The following GPD2 variants were observed in gnomAD, a reference collection of about 807,000 sequenced individuals.
GPD2 encodes the protein glycerol-3-phosphate dehydrogenase 2.
GPD2 carries 54 observed loss-of-function variants against 82.4 expected under a neutral mutation model. That is an observed-to-expected ratio of 0.66 (90% CI 0.53 to 0.82). GPD2 has a LOEUF of 0.82. Among genes scored for constraint, GPD2 ranks in the 40% least tolerant of loss-of-function variants. The pLI, the probability that GPD2 is intolerant of heterozygous loss-of-function variation, is 0.00. For missense variants in GPD2, 748 were observed against 896.2 expected (o/e 0.83, Z 2.11); for synonymous variants, 288 against 306.1 (o/e 0.94, Z 0.62).
intron 1 of GPD2, among the ~76,000 whole-genome samples, chr2:156,441,687 G>T (rs1416205411): frequency 2.0e-5 from 3 of 152,198 alleles, no homozygotes; most frequent in African/African-American, 7.2e-5. Flanking sequence ...GGATATCCCG[G>T]GGCCCACTAT....
At chr2:156,434,809 AG>A (rs552636744), upstream of GPD2, among the ~76,000 whole-genome samples, 66 of 152,240 alleles carry the variant, frequency 4.3e-4, no homozygotes, top group Non-Finnish European at 6.6e-4. Context: ...AAATCTGGGT[AG>A]CTCAGCCCCA....
chr2:156,582,538 TAAG>T (rs1688063516), intron 16 of GPD2, among the ~76,000 whole-genome samples: 1 of 151,154 alleles, frequency 6.6e-6, no homozygotes, highest in Admixed American at 6.6e-5. Flanking sequence ...AATGATGCAT[TAAG>T]ATTTGCTTTT....
chr2:156,535,107 T>G (rs2105312204), intron 6 of GPD2, among the ~76,000 whole-genome samples: 1 of 152,054 alleles, frequency 6.6e-6, no homozygotes, highest in Non-Finnish European at 1.5e-5. Flanking sequence ...GCCTGAATCA[T>G]GGAGGACAAG....
At chr2:156,484,099 A>G (rs1334776474) in intron 2 of GPD2, among the ~76,000 whole-genome samples, 4 of 146,606 alleles carry the variant, frequency 2.7e-5, no homozygotes, top group East Asian at 4.0e-4. Context: ...CTGCAGAGGC[A>G]TTTTGCACAG....
At chr2:156,510,259 C>T (rs565823501) in intron 3 of GPD2, among the ~76,000 whole-genome samples, 1 of 151,974 alleles carries the variant, frequency 6.6e-6, no homozygotes, top group Admixed American at 6.6e-5. Context: ...TCTTTCCTTT[C>T]TTTGCTATCT....
chr2:156,412,576 A>C, the GPD2 span, among the ~76,000 whole-genome samples: 1 of 152,156 alleles, frequency 6.6e-6, no homozygotes, highest in African/African-American at 2.4e-5. Flanking sequence ...AGGGCATACA[A>C]TTGTATGTAT....
At chr2:156,532,034 C>T (rs986283499) in intron 6 of GPD2, among the ~76,000 whole-genome samples, 5 of 151,912 alleles carry the variant, frequency 3.3e-5, no homozygotes, top group African/African-American at 4.8e-5. Context: ...GACAAAGTCT[C>T]GTTCAGTTGT....
At chr2:156,558,919 A>G (rs1414985915) in intron 9 of GPD2, among the ~76,000 whole-genome samples, 1 of 151,586 alleles carries the variant, frequency 6.6e-6, no homozygotes, top group Admixed American at 6.6e-5. Context: ...CCTGGCCGAA[A>G]CATAAGGCTT....
intron 6 of GPD2, among the ~76,000 whole-genome samples, chr2:156,537,337 G>T (rs1686120949): frequency 6.6e-6 from 1 of 152,170 alleles, no homozygotes; most frequent in African/African-American, 2.4e-5. Context: ...GAAACTAATA[G>T]AATCTTTCTT....
intron 1 of GPD2, among the ~76,000 whole-genome samples, chr2:156,439,872 A>ATAAATAAG (rs1279010074): frequency 6.6e-6 from 1 of 151,782 alleles, no homozygotes; most frequent in East Asian, 1.9e-4. Flanking sequence ...AAATAAATAA[A>ATAAATAAG]TAAAGTGTCA....
rs372593005 is a variant in GPD2 at position 156,566,471 on chromosome 2, A to G, written c.1166-2354A>G. 3.3e-5 allele frequency among the ~76,000 whole-genome samples: 5 copies of G among 152,116 alleles called. No homozygotes were observed. The East Asian group carries it at 9.6e-4, about 29-fold the overall frequency. On this transcript the variant is annotated intron_variant, in intron 9 of 16. Transcript: ENST00000438166. ...GTACCTCATAGAAGTGCAATTGTAC[A>G]ATATTTGTCCTCTTGTGACTGGATT...
At position 156,552,787 on chromosome 2, in the gene GPD2, G is replaced by A. The variant is rs914487037; in HGVS notation, c.971+2041G>A. ...TTTAGAGACAAAGAGATTGTTCGCA[G>A]AATTAAAGTGATACCTTGCTATAGG... On this transcript the variant is annotated intron_variant, in intron 8 of 16. Transcript: ENST00000438166. Among the ~76,000 whole-genome samples the A allele has an allele frequency of 2.7e-5, 4 of 150,814 alleles. No homozygotes were observed. In the South Asian group the frequency reaches 8.5e-4, roughly 32 times the overall value.
chr2:156,448,746 A>G (rs1682454305), intron 1 of GPD2, among the ~76,000 whole-genome samples: 1 of 152,216 alleles, frequency 6.6e-6, no homozygotes, highest in Non-Finnish European at 1.5e-5. Flanking sequence ...TAAATCTGGA[A>G]CTTAGTGGGT....
intron 8 of GPD2, among the ~76,000 whole-genome samples, chr2:156,555,841 G>A (rs1184979210): frequency 2.6e-5 from 4 of 152,146 alleles, no homozygotes; most frequent in African/African-American, 9.7e-5. Context: ...TTAAATGATT[G>A]CAGACTTCCA....
intron 6 of GPD2, among the ~76,000 whole-genome samples, chr2:156,522,248 T>G (rs1573958589): frequency 6.6e-6 from 1 of 152,328 alleles, no homozygotes; most frequent in African/African-American, 2.4e-5. Flanking sequence ...GCTTTCATTC[T>G]CTTATAATTT....
chr2:156,533,151 ATTG>A (rs147712593), intron 6 of GPD2, among the ~76,000 whole-genome samples: 18 of 152,288 alleles, frequency 1.2e-4, no homozygotes, highest in African/African-American at 4.3e-4. Context: ...GACCACTCTC[ATTG>A]TTGTTTTCTT....
chr2:156,582,674 A>T, intron 16 of GPD2, 119 bp from the exon 17 acceptor site: 2 of 1,061,348 alleles, frequency 1.9e-6, no homozygotes, highest in Non-Finnish European at 2.9e-6. Flanking sequence ...AGTACTTGTT[A>T]AGGTTTTTGA....
chr2:156,418,161 G>A, the GPD2 span, among the ~76,000 whole-genome samples: 12 of 152,072 alleles, frequency 7.9e-5, no homozygotes, highest in South Asian at 1.0e-3. Flanking sequence ...GTTGCAGTGC[G>A]CGGAGATTGA....
intron 13 of GPD2, among the ~76,000 whole-genome samples, chr2:156,578,547 T>C (rs1279721887): frequency 1.3e-5 from 2 of 152,166 alleles, no homozygotes; most frequent in African/African-American, 4.8e-5. Context: ...AAAGACTACA[T>C]ACTATATGAA....
Sources: allele counts gnomAD v4.1 joint callset (sites outside exome capture counted in the v4.1 genomes callset), GRCh38; gene constraint gnomAD v4.1.1; transcripts MANE v1.5; gene names NCBI Gene and HGNC (gene_info 2026-07-23, HGNC 2026-07-21).